The following KAZN variants were observed in gnomAD, a reference collection of about 807,000 sequenced individuals.
KAZN encodes kazrin.
Under a neutral mutation model 87.4 loss-of-function variants are expected in KAZN, and 40 were observed. The ratio of observed to expected loss-of-function variants is 0.46; its 90% CI spans 0.36 to 0.60. The LOEUF is 0.60. Ranked by LOEUF, KAZN falls within the 20% of genes least tolerant of loss-of-function variation. The pLI is 0.00. For synonymous variants in KAZN, 466 were observed against 458.3 expected (o/e 1.02, Z -0.22); for missense variants, 898 against 1,073.9 (o/e 0.84, Z 2.29).
At chr1:14,035,926 A>G (rs1213150230) in intron 1 of KAZN, among the ~76,000 whole-genome samples, 1 of 152,146 alleles carries the variant, frequency 6.6e-6, no homozygotes, top group East Asian at 1.9e-4. Context: ...GGTGGAGAAA[A>G]TCATTTCCTA....
chr1:14,108,616 A>G (rs555757203), intron 1 of KAZN, among the ~76,000 whole-genome samples: 1 of 152,142 alleles, frequency 6.6e-6, no homozygotes, highest in East Asian at 1.9e-4. Flanking sequence ...TTTCCAAAAT[A>G]CCCAACTATC....
intron 2 of KAZN, among the ~76,000 whole-genome samples, chr1:14,537,573 C>G (rs1672574671): frequency 6.6e-6 from 1 of 152,148 alleles, no homozygotes; most frequent in South Asian, 2.1e-4. Context: ...TCTCAGTAGC[C>G]TGAGTGTGGT....
chr1:14,924,381 C>T (rs1327828822), intron 1 of KAZN: 6 of 989,138 alleles, frequency 6.1e-6, no homozygotes, highest in Non-Finnish European at 7.2e-6. Context: ...GCGGCCGACT[C>T]GGGCTCGTGG....
intron 1 of KAZN, among the ~76,000 whole-genome samples, chr1:14,857,131 T>C (rs1650217165): frequency 6.7e-6 from 1 of 149,514 alleles, no homozygotes. Flanking sequence ...GCACAAGGCG[T>C]TTTGCTTCTC....
At chr1:14,997,204 C>CTTTT (rs1489254166) in intron 2 of KAZN, among the ~76,000 whole-genome samples, 85 of 120,892 alleles carry the variant, frequency 7.0e-4, no homozygotes, top group South Asian at 3.1e-3. Flanking sequence ...TTCTTTCTTT[C>CTTTT]ATTTATTTAT....
At chr1:14,330,218 A>C (rs1210013625) in intron 2 of KAZN, among the ~76,000 whole-genome samples, 1 of 152,194 alleles carries the variant, frequency 6.6e-6, no homozygotes, top group Non-Finnish European at 1.5e-5. Context: ...TTCTTATTAA[A>C]CACATACAAA....
intron 2 of KAZN, among the ~76,000 whole-genome samples, chr1:14,572,256 C>A (rs570243859): frequency 2.2e-4 from 33 of 152,248 alleles, no homozygotes; most frequent in African/African-American, 7.5e-4. Flanking sequence ...TTTCTTGATG[C>A]AGATTAATGA....
At position 14,180,729 on chromosome 1, in the gene KAZN, G is replaced by A. The variant is rs138146756; in HGVS notation, c.249+137G>A. The A allele has an allele frequency of 7.0e-4, 459 of 652,036 alleles. 2 individuals carry two copies. In the African/African-American group the frequency reaches 7.6e-3, roughly 11 times the overall value. The allele number at this position is 652,036 out of a possible 1,614,324, so 40.4% of individuals were successfully genotyped here. ...TGATATAACAGATTGGATATGTTGA[G>A]TATTGGATTTCTGATTAGATCTTAT... On this transcript the variant is annotated intron_variant, in intron 2 of 16. Transcript: ENST00000636203.
chr1:15,043,357 A>G lies in KAZN; in HGVS notation c.556-632A>G, dbSNP rs186368817. On this transcript the variant is annotated intron_variant, in intron 3 of 14. Coordinates refer to ENST00000376030, the MANE Select transcript of KAZN (RefSeq NM_201628.3). ...TTAAGTATTTCCCGCACGTGAAGTC[A>G]TTCAATCTTTAGAATTCTTTGAAAC... is the stretch of plus-strand genomic sequence containing the variant. Among the ~76,000 whole-genome samples, 12 of 152,354 alleles carry G rather than the reference A, an allele frequency of 7.9e-5. No individual in the cohort carries two copies. The East Asian group carries it at 1.9e-3, about 24-fold the overall frequency.
At chr1:14,101,008 C>T (rs1252923926) in intron 1 of KAZN, among the ~76,000 whole-genome samples, 2 of 152,218 alleles carry the variant, frequency 1.3e-5, no homozygotes, top group Non-Finnish European at 2.9e-5. Flanking sequence ...TGCCTTCCGC[C>T]ATAATCGTGA....
chr1:14,995,856 G>A (rs935058976), intron 2 of KAZN, among the ~76,000 whole-genome samples: 5 of 152,108 alleles, frequency 3.3e-5, no homozygotes, highest in African/African-American at 4.8e-5. Flanking sequence ...CCGACAGAGA[G>A]ATTTTCTTGA....
intron 2 of KAZN, among the ~76,000 whole-genome samples, chr1:14,404,595 A>G (rs1007527545): frequency 6.6e-6 from 1 of 152,198 alleles, no homozygotes; most frequent in African/African-American, 2.4e-5. Flanking sequence ...ATGCATGAAG[A>G]TGTTCACTGC....
At chr1:14,506,102 A>C (rs1352622922) in intron 2 of KAZN, among the ~76,000 whole-genome samples, 2 of 152,356 alleles carry the variant, frequency 1.3e-5, no homozygotes, top group South Asian at 2.1e-4. Flanking sequence ...ACAACAACAA[A>C]AAAATTACAT....
At chr1:14,562,008 G>T (rs1166172553) in intron 2 of KAZN, among the ~76,000 whole-genome samples, 1 of 152,114 alleles carries the variant, frequency 6.6e-6, no homozygotes, top group Non-Finnish European at 1.5e-5. Flanking sequence ...CAGGAACCTG[G>T]GAGACCCGTT....
At chr1:14,579,526 G>A (rs113219839) in intron 2 of KAZN, among the ~76,000 whole-genome samples, 5 of 152,120 alleles carry the variant, frequency 3.3e-5, no homozygotes, top group African/African-American at 1.2e-4. Context: ...TCAGGAGGCT[G>A]AGGCAGGAGA....
At chr1:15,040,679 T>C (rs1229331550) in intron 3 of KAZN, among the ~76,000 whole-genome samples, 1 of 151,798 alleles carries the variant, frequency 6.6e-6, no homozygotes, top group Admixed American at 6.6e-5. Flanking sequence ...GGCAGGAGAA[T>C]TGCTTGGACC....
At chr1:13,956,537 C>A (rs555458804) in intron 1 of KAZN, among the ~76,000 whole-genome samples, 2 of 152,176 alleles carry the variant, frequency 1.3e-5, no homozygotes, top group African/African-American at 4.8e-5. Context: ...AGTATTCTGA[C>A]ATGCATACGA....
At chr1:14,804,981 C>T (rs1271241308) in intron 1 of KAZN, among the ~76,000 whole-genome samples, 2 of 152,154 alleles carry the variant, frequency 1.3e-5, no homozygotes, top group African/African-American at 4.8e-5. Flanking sequence ...TTAATTATTT[C>T]CTTTTCATGT....
At chr1:14,874,470 CTGGA>C (rs58006026) in intron 1 of KAZN, among the ~76,000 whole-genome samples, 66,751 of 147,920 alleles carry the variant, frequency 0.45, 15,492 homozygotes, top group Non-Finnish European at 0.52. Flanking sequence ...AGCTGGCTGA[CTGGA>C]TGGATGGATG....
Sources: gnomAD v4.1 joint callset for allele counts (sites outside exome capture counted in the v4.1 genomes callset) on GRCh38, gnomAD v4.1.1 for gene constraint, MANE v1.5 for transcripts, NCBI Gene and HGNC (gene_info 2026-07-23, HGNC 2026-07-21) for gene names.